The following KCNAB1 variants were observed in gnomAD, a reference collection of about 807,000 sequenced individuals.
KCNAB1 encodes potassium voltage-gated channel subfamily A regulatory beta subunit 1, also known as voltage-gated potassium channel subunit beta-1.
In KCNAB1, 35 loss-of-function variants were observed where a neutral mutation model predicts 64.6. That is an observed-to-expected ratio of 0.54 (90% confidence interval 0.41 to 0.72). The LOEUF (loss-of-function observed/expected upper bound fraction) is 0.72. Ranked by LOEUF, KCNAB1 falls within the 30% of genes least tolerant of loss-of-function variation. The pLI, the probability that KCNAB1 is intolerant of heterozygous loss-of-function variation, is 0.00. For synonymous variants in KCNAB1, 177 were observed against 183.8 expected (o/e 0.96, Z 0.30); for missense variants, 401 against 512.9 (o/e 0.78, Z 2.11).
At chr3:156,322,790 A>G (rs1462221167) in intron 1 of KCNAB1, among the ~76,000 whole-genome samples, 3 of 152,170 alleles carry the variant, frequency 2.0e-5, no homozygotes, top group Admixed American at 1.3e-4. Context: ...CCCTTTAGAA[A>G]TGCAGTATTA....
chr3:156,126,966 G>T (rs1319548107), intron 1 of KCNAB1, among the ~76,000 whole-genome samples: 1 of 152,214 alleles, frequency 6.6e-6, no homozygotes, highest in Non-Finnish European at 1.5e-5. Flanking sequence ...TATTGGAGAT[G>T]CCAAAAGTAG....
chr3:156,204,426 A>G (rs1478737686), intron 1 of KCNAB1, among the ~76,000 whole-genome samples: 1 of 152,220 alleles, frequency 6.6e-6, no homozygotes, highest in East Asian at 1.9e-4. Flanking sequence ...ATCTAGTCTT[A>G]CATGTATTTT....
chr3:156,170,602 G>T (rs574493939), intron 1 of KCNAB1, among the ~76,000 whole-genome samples: 6 of 152,152 alleles, frequency 3.9e-5, no homozygotes, highest in African/African-American at 9.7e-5. Context: ...CACCTGTTTT[G>T]CAGTGCATGG....
At chr3:156,390,736 C>T (rs2108168114) in intron 1 of KCNAB1, among the ~76,000 whole-genome samples, 1 of 150,994 alleles carries the variant, frequency 6.6e-6, no homozygotes, top group South Asian at 2.1e-4. Flanking sequence ...GCGCCTGCTA[C>T]CATGCCCGGC....
chr3:156,130,946 C>T (rs1362323821), intron 1 of KCNAB1, among the ~76,000 whole-genome samples: 3 of 152,182 alleles, frequency 2.0e-5, no homozygotes, highest in African/African-American at 4.8e-5. Context: ...CTGTTTCCAT[C>T]GAAAGAGCTG....
intron 1 of KCNAB1, among the ~76,000 whole-genome samples, chr3:156,386,998 C>T (rs1712646921): frequency 7.4e-6 from 1 of 135,188 alleles, no homozygotes; most frequent in African/African-American, 3.1e-5. Flanking sequence ...CTCTTGCTTG[C>T]TTGCTTTCTC....
At chr3:156,532,642 C>T (rs1327923592) in intron 13 of KCNAB1, among the ~76,000 whole-genome samples, 1 of 152,160 alleles carries the variant, frequency 6.6e-6, no homozygotes, top group Non-Finnish European at 1.5e-5. Flanking sequence ...CTGCCCATTC[C>T]CCCAACCTTT....
intron 2 of KCNAB1, among the ~76,000 whole-genome samples, chr3:156,451,855 AC>A (rs1308785083): frequency 6.6e-6 from 1 of 151,488 alleles, no homozygotes; most frequent in Non-Finnish European, 1.5e-5. Flanking sequence ...CGTTCAGTTA[AC>A]CCCTGTGAGA....
At chr3:156,242,798 T>A (rs1348088088) in intron 1 of KCNAB1, among the ~76,000 whole-genome samples, 1 of 151,500 alleles carries the variant, frequency 6.6e-6, no homozygotes, top group Admixed American at 6.6e-5. Flanking sequence ...AGTTTTTTTT[T>A]TTTTTCTGTT....
intron 1 of KCNAB1, among the ~76,000 whole-genome samples, chr3:156,350,444 G>A (rs959296626): frequency 6.6e-5 from 10 of 151,600 alleles, no homozygotes; most frequent in African/African-American, 2.4e-4. Flanking sequence ...TTACTTGAGA[G>A]GCTAATGTGG....
In KCNAB1 at chr3:156,156,459, G is replaced by A. The variant is rs148188632; in HGVS notation, c.275+35573G>A. On this transcript the variant is annotated intron_variant, in intron 1 of 13. Transcript: ENST00000490337. ...TAGAAGTAGGGTTACTGGTTAAGAA[G>A]TTACCATAATTGCCCAGGAAGGAGG... Among the ~76,000 whole-genome samples, 297 of 152,322 alleles carry A rather than the reference G, an allele frequency of 1.9e-3. 1 individual carries two copies. Among genetic ancestry groups the A allele is most frequent in the Non-Finnish European group, 3.0e-3 (204 of 68,036 alleles).
intron 12 of KCNAB1, among the ~76,000 whole-genome samples, chr3:156,530,264 GA>G (rs1311911922): frequency 6.6e-6 from 1 of 152,220 alleles, no homozygotes; most frequent in East Asian, 1.9e-4. Flanking sequence ...CTCCAAGGCA[GA>G]GTTTGGTCTT....
chr3:156,170,064 G>C (rs1244093608), intron 1 of KCNAB1, among the ~76,000 whole-genome samples: 1 of 152,056 alleles, frequency 6.6e-6, no homozygotes, highest in African/African-American at 2.4e-5. Context: ...AGGCTTCCCA[G>C]CTTCCTGTTT....
intron 3 of KCNAB1, chr3:156,453,346 T>G (rs1357552773): frequency 6.5e-6 from 1 of 154,318 alleles, no homozygotes; most frequent in African/African-American, 2.4e-5. Context: ...GCAGAAACCC[T>G]CTCAGTCCTG....
chr3:156,518,685 C>T (rs904321233), intron 11 of KCNAB1, among the ~76,000 whole-genome samples: 1 of 152,170 alleles, frequency 6.6e-6, no homozygotes, highest in Non-Finnish European at 1.5e-5. Flanking sequence ...GATAAATTAA[C>T]TCAGCATAAA....
At chr3:156,246,287 T>C (rs1241726090) in intron 1 of KCNAB1, among the ~76,000 whole-genome samples, 2 of 151,546 alleles carry the variant, frequency 1.3e-5, no homozygotes, top group Non-Finnish European at 2.9e-5. Context: ...TATGAGACTA[T>C]CAAAACCAAG....
At chr3:156,488,142 C>T (rs1715348076) in intron 8 of KCNAB1, among the ~76,000 whole-genome samples, 1 of 152,074 alleles carries the variant, frequency 6.6e-6, no homozygotes, top group South Asian at 2.1e-4. Context: ...TGAGTGTCTA[C>T]TGTATACCAC....
At chr3:156,272,127 C>G (rs189669607) in intron 1 of KCNAB1, among the ~76,000 whole-genome samples, 1 of 152,366 alleles carries the variant, frequency 6.6e-6, no homozygotes, top group African/African-American at 2.4e-5. Flanking sequence ...GTGGCTACCA[C>G]CACTGGGATT....
At chr3:156,165,610 GT>G (rs1243009531) in intron 1 of KCNAB1, among the ~76,000 whole-genome samples, 2 of 152,144 alleles carry the variant, frequency 1.3e-5, no homozygotes, top group Admixed American at 1.3e-4. Flanking sequence ...ATAGCATGAA[GT>G]TTTACTCCAT....
Sources: allele counts gnomAD v4.1 joint callset (sites outside exome capture counted in the v4.1 genomes callset), GRCh38; gene constraint gnomAD v4.1.1; transcripts MANE v1.5; gene names NCBI Gene and HGNC (gene_info 2026-07-23, HGNC 2026-07-21).